FMN1: variants seen among roughly 807,000 people sequenced by gnomAD.
The protein encoded by FMN1 is formin-1.
FMN1 carries 110 observed loss-of-function variants against 132.4 expected under a neutral mutation model. That is an observed-to-expected ratio of 0.83 (90% CI 0.71 to 0.97). FMN1 has a LOEUF of 0.97. Among genes scored for constraint, FMN1 ranks in the 50% least tolerant of loss-of-function variants. FMN1 has a pLI of 0.00. For synonymous variants in FMN1, 722 were observed against 651.7 expected (o/e 1.11, Z -1.64); for missense variants, 1,792 against 1,705.3 (o/e 1.05, Z -0.90).
intron 17 of FMN1, among the ~76,000 whole-genome samples, chr15:32,836,180 C>G (rs528882683): frequency 2.0e-5 from 3 of 152,202 alleles, no homozygotes; most frequent in East Asian, 1.9e-4. Context: ...AGGCTGCTCA[C>G]TAGCAGCCTT....
chr15:32,838,837 C>T (rs1256228599), intron 17 of FMN1, among the ~76,000 whole-genome samples: 4 of 152,198 alleles, frequency 2.6e-5, no homozygotes, highest in East Asian at 1.9e-4. Flanking sequence ...GATTGTGACA[C>T]GAAGACTGAA....
intron 9 of FMN1, among the ~76,000 whole-genome samples, chr15:32,941,634 G>A (rs1017625025): frequency 6.6e-6 from 1 of 152,040 alleles, no homozygotes; most frequent in South Asian, 2.1e-4. Context: ...ATTACCTGAT[G>A]TGTAATAATC....
intron 4 of FMN1, among the ~76,000 whole-genome samples, chr15:33,123,391 T>G (rs1158237684): frequency 6.6e-6 from 1 of 152,090 alleles, no homozygotes; most frequent in African/African-American, 2.4e-5. Context: ...CACTATATAG[T>G]ATACAGACTT....
chr15:32,950,040 T>TACACATACAC (rs1325651433), intron 9 of FMN1, among the ~76,000 whole-genome samples: 1 of 4,580 alleles, frequency 2.2e-4, no homozygotes, highest in African/African-American at 3.8e-4. Flanking sequence ...TATACACATA[T>TACACATACAC]ATATATATAT....
chr15:33,012,064 C>A, intron 6 of FMN1: 2 of 322,466 alleles, frequency 6.2e-6, no homozygotes, highest in East Asian at 6.7e-5. Flanking sequence ...TGAAGAAAAG[C>A]AACCTGTCAG....
intron 15 of FMN1, 117 bp from the exon 16 acceptor site, chr15:32,888,409 C>G: frequency 1.2e-6 from 1 of 832,758 alleles, no homozygotes; most frequent in South Asian, 2.2e-5. Context: ...GAGTAAGAAT[C>G]ATAGCAATGC....
chr15:33,015,331 G>C (rs745370402), intron 6 of FMN1, among the ~76,000 whole-genome samples: 1 of 152,118 alleles, frequency 6.6e-6, no homozygotes, highest in Admixed American at 6.5e-5. Context: ...ATCACAGGGA[G>C]GTTTGAAGAG....
chr15:33,146,530 G>A (rs8038901), intron 4 of FMN1, among the ~76,000 whole-genome samples: 1 of 151,862 alleles, frequency 6.6e-6, no homozygotes. Flanking sequence ...TTGTTTCAAT[G>A]TACTGGAACA....
chr15:32,773,431 C>T lies in FMN1; in HGVS notation c.*879G>A, dbSNP rs58065892. The T allele has an allele frequency of 0.18, 27,714 of 151,952 alleles. 3,173 individuals carry two copies. The highest frequency in any genetic ancestry group is 0.61 in the East Asian group (3,159 of 5,158). 9.4% of individuals were successfully genotyped at this position (151,952 alleles called of 1,614,324 possible). On this transcript the variant is annotated 3_prime_UTR_variant, in exon 21 of 21. Transcript: ENST00000616417. ...TCGGCTGCGTATCAACACAACATTG[C>T]CCATTCATGAACGGTCCAAAATGTA...
chr15:33,149,809 C>T, intron 4 of FMN1: 1 of 984,598 alleles, frequency 1.0e-6, no homozygotes, highest in South Asian at 4.7e-5. Flanking sequence ...ATTGGAATTG[C>T]ATCAAACCTT....
At chr15:32,962,105 T>TTTATTATTA (rs10645453) in intron 9 of FMN1, among the ~76,000 whole-genome samples, 90 of 150,862 alleles carry the variant, frequency 6.0e-4, no homozygotes, top group African/African-American at 2.1e-3. Flanking sequence ...AGGGCAAGGA[T>TTTATTATTA]TTATTATTAT....
chr15:32,824,939 A>G (rs186119322), intron 17 of FMN1, among the ~76,000 whole-genome samples: 5 of 152,338 alleles, frequency 3.3e-5, no homozygotes, highest in African/African-American at 1.2e-4. Flanking sequence ...TGTCTACCAT[A>G]ACACAAATTT....
chr15:32,899,758 T>G (rs1180549636), intron 14 of FMN1: 4 of 580,512 alleles, frequency 6.9e-6, no homozygotes, highest in African/African-American at 1.9e-5. Flanking sequence ...AGATGGGAAT[T>G]GAGTAATTGA....
intron 17 of FMN1, among the ~76,000 whole-genome samples, chr15:32,846,323 A>G (rs1310619256): frequency 6.6e-6 from 1 of 152,220 alleles, no homozygotes; most frequent in Admixed American, 6.5e-5. Context: ...AATTTTTGCA[A>G]TCTACCCATA....
intron 6 of FMN1, chr15:33,064,742 T>A: frequency 2.7e-6 from 1 of 370,766 alleles, no homozygotes; most frequent in Non-Finnish European, 4.9e-6. Flanking sequence ...ATTCCCCCTT[T>A]CATTCATTCC....
intron 3 of FMN1, among the ~76,000 whole-genome samples, chr15:33,158,362 C>T (rs1030107312): frequency 9.3e-5 from 14 of 151,120 alleles, no homozygotes; most frequent in Non-Finnish European, 2.9e-5. Flanking sequence ...AAACTCAAGT[C>T]AAGGTTTAGA....
At chr15:32,897,204 C>G (rs1372888119) in intron 15 of FMN1, among the ~76,000 whole-genome samples, 1 of 152,088 alleles carries the variant, frequency 6.6e-6, no homozygotes, top group Non-Finnish European at 1.5e-5. Context: ...CACCTGTTGG[C>G]TATTTGTTTG....
intron 17 of FMN1, among the ~76,000 whole-genome samples, chr15:32,809,534 G>C (rs781479685): frequency 3.3e-5 from 5 of 152,122 alleles, no homozygotes; most frequent in Non-Finnish European, 7.4e-5. Context: ...ACTCATGGCT[G>C]GTCTCTGGAC....
chr15:33,070,965 A>G (rs941493286), intron 5 of FMN1, among the ~76,000 whole-genome samples: 1 of 152,222 alleles, frequency 6.6e-6, no homozygotes, highest in Non-Finnish European at 1.5e-5. Flanking sequence ...ATGTGAATCC[A>G]TGCAGGCAGG....
Sources: allele counts gnomAD v4.1 joint callset (sites outside exome capture counted in the v4.1 genomes callset), GRCh38; gene constraint gnomAD v4.1.1; transcripts MANE v1.5; gene names NCBI Gene and HGNC (gene_info 2026-07-23, HGNC 2026-07-21).